Variants in SNTG2 observed in about 807,000 individuals in gnomAD.
The protein encoded by SNTG2 is syntrophin gamma 2, also known as gamma-2-syntrophin.
Under a neutral mutation model 70.9 loss-of-function variants are expected in SNTG2, and 74 were observed. The observed-to-expected ratio is 1.04, with a 90% CI of 0.86 to 1.27. SNTG2 has a LOEUF of 1.27. Ranked by LOEUF, SNTG2 falls within the 50% of genes most tolerant of loss-of-function variation. The probability of loss-of-function intolerance (pLI) is 0.00; values close to 1 mark genes in which losing one functional copy is unlikely to be tolerated. For synonymous variants in SNTG2, 278 were observed against 273.8 expected (o/e 1.02, Z -0.15); for missense variants, 717 against 690.7 (o/e 1.04, Z -0.43).
chr2:1,287,953 C>A (rs1323786305), intron 14 of SNTG2, among the ~76,000 whole-genome samples: 6 of 152,202 alleles, frequency 3.9e-5, no homozygotes, highest in Non-Finnish European at 7.3e-5. Flanking sequence ...CAGCCTGGAC[C>A]CGGGGTGGAG....
intron 14 of SNTG2, among the ~76,000 whole-genome samples, chr2:1,281,468 G>A (rs1028356890): frequency 1.3e-5 from 2 of 151,592 alleles, no homozygotes; most frequent in African/African-American, 2.4e-5. Context: ...TGTGTATTTG[G>A]TGTTTATGGT....
chr2:964,066 G>A (rs1346280867), intron 1 of SNTG2, among the ~76,000 whole-genome samples: 1 of 152,124 alleles, frequency 6.6e-6, no homozygotes, highest in African/African-American at 2.4e-5. Flanking sequence ...GGCGAGCTTT[G>A]TAATCAGATC....
chr2:1,307,773 T>C (rs1257530094), intron 14 of SNTG2, among the ~76,000 whole-genome samples: 2 of 152,162 alleles, frequency 1.3e-5, no homozygotes, highest in East Asian at 3.9e-4. Context: ...TGGCTGCGAG[T>C]GCATTGGCAG....
chr2:1,025,115 C>G (rs1344196636), intron 1 of SNTG2, among the ~76,000 whole-genome samples: 1 of 152,192 alleles, frequency 6.6e-6, no homozygotes, highest in Non-Finnish European at 1.5e-5. Context: ...TAGAGCTTAA[C>G]AGAAAGAGTA....
At chr2:1,112,750 T>A in intron 4 of SNTG2, among the ~76,000 whole-genome samples, 1 of 148,222 alleles carries the variant, frequency 6.7e-6, no homozygotes, top group Non-Finnish European at 1.5e-5. Context: ...CTAAGTGAGG[T>A]TTAACCCTTA....
At chr2:969,782 T>C (rs966194670) in intron 1 of SNTG2, among the ~76,000 whole-genome samples, 4 of 152,244 alleles carry the variant, frequency 2.6e-5, no homozygotes, top group African/African-American at 9.6e-5. Context: ...TAAGGTTTTC[T>C]AGGTGTAGAA....
chr2:1,105,135 C>T (rs777946893), intron 4 of SNTG2, among the ~76,000 whole-genome samples: 2 of 152,128 alleles, frequency 1.3e-5, no homozygotes, highest in African/African-American at 2.4e-5. Context: ...GGGTTCCATT[C>T]GCTGAGAGCA....
intron 16 of SNTG2, among the ~76,000 whole-genome samples, chr2:1,340,409 A>G (rs1036248545): frequency 6.6e-6 from 1 of 152,188 alleles, no homozygotes; most frequent in African/African-American, 2.4e-5. Context: ...ATTTCATACT[A>G]ATCGAAGGAG....
intron 8 of SNTG2, among the ~76,000 whole-genome samples, chr2:1,175,966 C>T (rs1043390374): frequency 1.3e-5 from 2 of 152,194 alleles, no homozygotes; most frequent in Non-Finnish European, 2.9e-5. Flanking sequence ...CTGGTTCTCC[C>T]AGCTCTCCTG....
intron 8 of SNTG2, among the ~76,000 whole-genome samples, chr2:1,178,182 T>A (rs189232724): frequency 6.6e-6 from 1 of 152,194 alleles, no homozygotes; most frequent in African/African-American, 2.4e-5. Context: ...GGGCTCTCTC[T>A]TGTAGAGACG....
chr2:988,367 C>T (rs1266250196), intron 1 of SNTG2, among the ~76,000 whole-genome samples: 1 of 151,916 alleles, frequency 6.6e-6, no homozygotes, highest in Non-Finnish European at 1.5e-5. Flanking sequence ...CTGGCCTGTT[C>T]TGTGTCCCTA....
chr2:981,599 C>G (rs1661098179), intron 1 of SNTG2, among the ~76,000 whole-genome samples: 1 of 151,994 alleles, frequency 6.6e-6, no homozygotes, highest in African/African-American at 2.4e-5. Context: ...ATGCCTGTGC[C>G]CACACATATG....
Position 1,360,651 on chromosome 2 carries a change from C to CAAA in SNTG2, c.1489-6685_1489-6683dup, listed in dbSNP as rs5828813. Among the ~76,000 whole-genome samples the CAAA allele has an allele frequency of 5.8e-3, 871 of 151,030 alleles. 9 individuals are homozygous for CAAA. The highest frequency in any genetic ancestry group is 0.02 in the African/African-American group (815 of 41,166). On this transcript the variant is annotated intron_variant, in intron 16 of 16. Coordinates refer to ENST00000308624, the MANE Select transcript of SNTG2 (RefSeq NM_018968.4). ...TCCTTTTCTTAAAAACACAAACAAA[C>CAAA]AAAAAAAAAGTCTGTCCCTAGGGGA... is the stretch of plus-strand genomic sequence containing the variant.
At chr2:1,209,591 C>T (rs568985903) in intron 9 of SNTG2, among the ~76,000 whole-genome samples, 1 of 152,292 alleles carries the variant, frequency 6.6e-6, no homozygotes, top group African/African-American at 2.4e-5. Flanking sequence ...TTTAGAAATG[C>T]CACTTAAACT....
intron 16 of SNTG2, among the ~76,000 whole-genome samples, chr2:1,361,749 T>G (rs199947333): frequency 2.0e-5 from 3 of 151,312 alleles, no homozygotes; most frequent in Non-Finnish European, 4.4e-5. Context: ...AGAACTTCCA[T>G]GAAGGTCACC....
chr2:1,246,827 A>G (rs1437739210), intron 11 of SNTG2, among the ~76,000 whole-genome samples: 1 of 152,204 alleles, frequency 6.6e-6, no homozygotes. Flanking sequence ...ATACGGCTCA[A>G]AATATTCACT....
chr2:1,328,510 G>A (rs1681851048), intron 16 of SNTG2, among the ~76,000 whole-genome samples: 1 of 152,154 alleles, frequency 6.6e-6, no homozygotes, highest in African/African-American at 2.4e-5. Flanking sequence ...GAGGTCTTAG[G>A]GCTGTTAGAA....
chr2:1,333,496 G>GA (rs1168207759), intron 16 of SNTG2, among the ~76,000 whole-genome samples: 2 of 151,880 alleles, frequency 1.3e-5, no homozygotes, highest in African/African-American at 2.4e-5. Flanking sequence ...GCAAAACTAA[G>GA]AAAAAAACAA....
At chr2:1,185,662 G>A (rs1192105925) in intron 8 of SNTG2, among the ~76,000 whole-genome samples, 1 of 152,164 alleles carries the variant, frequency 6.6e-6, no homozygotes, top group African/African-American at 2.4e-5. Flanking sequence ...ATACCATGGT[G>A]GGAGCTGGAG....
Sources: gnomAD v4.1 joint callset for allele counts (sites outside exome capture counted in the v4.1 genomes callset) on GRCh38, gnomAD v4.1.1 for gene constraint, MANE v1.5 for transcripts, NCBI Gene and HGNC (gene_info 2026-07-23, HGNC 2026-07-21) for gene names.